The following RANBP9 variants were observed in gnomAD, a reference collection of about 807,000 sequenced individuals.
RANBP9 encodes ran-binding protein 9.
In RANBP9, 15 loss-of-function variants were observed where a neutral mutation model predicts 84.3. The ratio of observed to expected loss-of-function variants is 0.18; its 90% CI spans 0.12 to 0.27. The LOEUF (loss-of-function observed/expected upper bound fraction) is 0.27. Among genes scored for constraint, RANBP9 ranks in the 10% least tolerant of loss-of-function variants. The pLI is 1.00. For synonymous variants in RANBP9, 392 were observed against 349.6 expected (o/e 1.12, Z -1.35); for missense variants, 809 against 912.8 (o/e 0.89, Z 1.46).
intron 2 of RANBP9, among the ~76,000 whole-genome samples, chr6:13,683,239 G>C (rs911691078): frequency 1.3e-5 from 2 of 152,132 alleles, no homozygotes; most frequent in Non-Finnish European, 1.5e-5. Flanking sequence ...CCTTATCTTG[G>C]AATGTTAATC....
At chr6:13,692,630 T>A (rs1766354451) in intron 2 of RANBP9, among the ~76,000 whole-genome samples, 1 of 147,698 alleles carries the variant, frequency 6.8e-6, no homozygotes, top group Non-Finnish European at 1.5e-5. Context: ...GGCAGGCGGA[T>A]CACCTGAGGT....
At chr6:13,705,204 G>T (rs1758072976) in intron 1 of RANBP9, among the ~76,000 whole-genome samples, 1 of 151,738 alleles carries the variant, frequency 6.6e-6, no homozygotes, top group African/African-American at 2.4e-5. Context: ...AGGAGTTCCA[G>T]ACCAGCCTGG....
intron 2 of RANBP9, among the ~76,000 whole-genome samples, chr6:13,682,395 TAA>T (rs202214378): frequency 1.1e-3 from 112 of 102,304 alleles, no homozygotes; most frequent in African/African-American, 2.7e-3. Context: ...GAAGCAAAAT[TAA>T]AAAAAAAAAA....
chr6:13,702,719 T>C (rs1446481061), intron 1 of RANBP9, among the ~76,000 whole-genome samples: 1 of 151,868 alleles, frequency 6.6e-6, no homozygotes, highest in Non-Finnish European at 1.5e-5. Flanking sequence ...CGTTAAAAAT[T>C]AGAAGAAAAA....
chr6:13,711,680 G>T lies in RANBP9; in HGVS notation c.-175C>A. 2.4e-6 allele frequency: 1 copy of T among 421,302 alleles called. No homozygotes were observed. Among genetic ancestry groups the T allele is most frequent in the Non-Finnish European group, 3.7e-6 (1 of 271,952 alleles). 26.1% of individuals were successfully genotyped at this position (421,302 alleles called of 1,614,324 possible). ...CGGCGGTTGAGGAGCTCGGAGACGC[G>T]GGAGTAGGCGGCGGGCCCGGGAGGC... On this transcript the variant is annotated 5_prime_UTR_variant, in exon 1 of 14. Transcript: ENST00000011619.
intron 3 of RANBP9, among the ~76,000 whole-genome samples, chr6:13,658,134 AATAT>A (rs1279857287): frequency 6.6e-6 from 1 of 152,182 alleles, no homozygotes; most frequent in Admixed American, 6.5e-5. Flanking sequence ...ATATTCCCTG[AATAT>A]TAAGATGGGT....
At chr6:13,690,094 G>A (rs999787635) in intron 2 of RANBP9, among the ~76,000 whole-genome samples, 2 of 152,114 alleles carry the variant, frequency 1.3e-5, no homozygotes, top group Non-Finnish European at 2.9e-5. Flanking sequence ...AACATGTTCC[G>A]TAGTTAAGTG....
chr6:13,675,259 T>C (rs1165819760), intron 2 of RANBP9, among the ~76,000 whole-genome samples: 2 of 152,168 alleles, frequency 1.3e-5, no homozygotes, highest in African/African-American at 4.8e-5. Context: ...ACAGAACACA[T>C]TCTGGGACAT....
chr6:13,630,712 G>A (rs1764756387), intron 12 of RANBP9, among the ~76,000 whole-genome samples: 1 of 152,206 alleles, frequency 6.6e-6, no homozygotes, highest in African/African-American at 2.4e-5. Flanking sequence ...TTTTCCAGAG[G>A]CACAAGACAT....
intron 6 of RANBP9, 127 bp downstream of exon 6, chr6:13,644,418 C>G: frequency 1.1e-6 from 1 of 889,314 alleles, no homozygotes; most frequent in Non-Finnish European, 1.6e-6. Context: ...AGATTAAAAT[C>G]AATAATATAA....
In RANBP9 at chr6:13,705,909, G is replaced by A. The variant is rs141284783; in HGVS notation, c.571+5026C>T. On this transcript the variant is annotated intron_variant, in intron 1 of 13. Coordinates refer to ENST00000011619, the MANE Select transcript of RANBP9 (RefSeq NM_005493.3). The stretch of plus-strand genomic sequence containing the variant: ...AAAGAAACATTTTTATATCACCCCC[G>A]TAATGCTTAACAGACATTTGCACTT... 3.3e-3 allele frequency among the ~76,000 whole-genome samples: 479 copies of A among 145,826 alleles called. 3 individuals carry two copies. Among genetic ancestry groups the A allele is most frequent in the African/African-American group, 0.012 (465 of 39,076 alleles).
chr6:13,650,148 TTGTTGTTG>T (rs1178759243), intron 5 of RANBP9, among the ~76,000 whole-genome samples: 19 of 151,390 alleles, frequency 1.3e-4, no homozygotes, highest in Non-Finnish European at 2.4e-4. Flanking sequence ...GGGTTTTTTG[TTGTTGTTG>T]TGTTTTTTTG....
At chr6:13,688,611 T>C (rs998978785) in intron 2 of RANBP9, among the ~76,000 whole-genome samples, 1 of 152,088 alleles carries the variant, frequency 6.6e-6, no homozygotes, top group Admixed American at 6.5e-5. Flanking sequence ...CCTAGGTTCT[T>C]AGCACAGTAT....
At chr6:13,659,675 T>C (rs752596572) in intron 2 of RANBP9, among the ~76,000 whole-genome samples, 3 of 152,290 alleles carry the variant, frequency 2.0e-5, no homozygotes, top group Admixed American at 6.5e-5. Flanking sequence ...ATTATTGTTA[T>C]CAAGGTTTTA....
At chr6:13,641,155 T>G in intron 8 of RANBP9, 44 bp downstream of exon 8, 2 of 1,178,112 alleles carry the variant, frequency 1.7e-6, no homozygotes, top group Non-Finnish European at 2.3e-6. Flanking sequence ...TTGACAAATA[T>G]TTATAATATA....
intron 1 of RANBP9, 129 bp from the exon 2 acceptor site, chr6:13,697,025 C>A: frequency 1.6e-6 from 1 of 631,256 alleles, no homozygotes; most frequent in Non-Finnish European, 2.5e-6. Flanking sequence ...AGTTCAAATA[C>A]TCAATAAAAC....
intron 2 of RANBP9, among the ~76,000 whole-genome samples, chr6:13,662,920 A>G (rs879598924): frequency 6.6e-6 from 1 of 152,166 alleles, no homozygotes; most frequent in Non-Finnish European, 1.5e-5. Context: ...AAGGACAGAG[A>G]AAAAAAGGTA....
In RANBP9 at chr6:13,711,159, C is replaced by G; in HGVS notation, c.347G>C (p.Gly116Ala). 6.8e-7 allele frequency: 1 copy of G among 1,474,650 alleles called. No individual in the cohort carries two copies. Among genetic ancestry groups the G allele is most frequent in the South Asian group, 1.3e-5 (1 of 77,900 alleles). The allele number at this position is 1,474,650 out of a possible 1,614,324, so 91.3% of individuals were successfully genotyped here. ...CACCAGAGCTGGGGTCGGGGCTCCTCCAGCCGGGCCGGGGCCCGCTGCAAG... is the reference window on the plus strand; with the variant it reads ...CACCAGAGCTGGGGTCGGGGCTCCTGCAGCCGGGCCGGGGCCCGCTGCAAG... ...PGLAAGPGPA[G>A]GAPTPALVAG... is the part of the protein sequence containing the mutation. The change falls in exon 1 of 14, where the codon GGA becomes GCA. Residue 116 changes from glycine (G) to alanine (A), a missense_variant. Gly to Ala is a moderately conservative substitution (Grantham distance 60). Around this residue, in one of 5 missense-constraint regions of RANBP9, gnomAD observed 302 missense variants for 240.1 expected, o/e 1.26. Transcript: ENST00000011619.
chr6:13,667,533 C>T (rs188072679), intron 2 of RANBP9, among the ~76,000 whole-genome samples: 1 of 152,154 alleles, frequency 6.6e-6, no homozygotes, highest in African/African-American at 2.4e-5. Context: ...GCATGTACAA[C>T]AATAGTCCTA....
Sources: allele counts gnomAD v4.1 joint callset (sites outside exome capture counted in the v4.1 genomes callset), GRCh38; gene constraint gnomAD v4.1.1; regional missense constraint gnomAD v4.1.1; transcripts MANE v1.5; gene names NCBI Gene and HGNC (gene_info 2026-07-23, HGNC 2026-07-21).